EP300: variants seen among roughly 807,000 people sequenced by gnomAD.
The protein encoded by EP300 is histone acetyltransferase p300.
A neutral mutation model predicts 264.0 loss-of-function variants in EP300; 31 were observed. The ratio of observed to expected loss-of-function variants is 0.12; its 90% CI spans 0.09 to 0.16. The LOEUF (loss-of-function observed/expected upper bound fraction) is 0.16. Ranked by LOEUF, EP300 falls within the 10% of genes least tolerant of loss-of-function variation. The pLI, the probability that EP300 is intolerant of heterozygous loss-of-function variation, is 1.00. For missense variants in EP300, 2,766 were observed against 3,052.9 expected, an observed-to-expected ratio of 0.91 and a Z score of 2.21; for synonymous variants, 1,340 against 1,045.4, an observed-to-expected ratio of 1.28 and a Z score of -5.44.
At chr22:41,175,595 A>T (rs766269639) in intron 29 of EP300, among the ~76,000 whole-genome samples, 1 of 152,216 alleles carries the variant, frequency 6.6e-6, no homozygotes, top group Non-Finnish European at 1.5e-5. Context: ...TTACACAGGA[A>T]AGTTGCATAG....
intron 2 of EP300, among the ~76,000 whole-genome samples, chr22:41,120,651 C>T (rs1402183190): frequency 1.3e-5 from 2 of 152,090 alleles, no homozygotes; most frequent in Non-Finnish European, 2.9e-5. Flanking sequence ...TAGGAAGAAA[C>T]TTGGATCATA....
At chr22:41,152,645 A>G (rs1225843108) in intron 16 of EP300, among the ~76,000 whole-genome samples, 1 of 152,112 alleles carries the variant, frequency 6.6e-6, no homozygotes. Flanking sequence ...ATGTTTGTAA[A>G]TAGCCTTGAC....
chr22:41,178,804 G>A lies in EP300; in HGVS notation c.7093G>A (p.Ala2365Thr). 1.2e-6 allele frequency: 2 copies of A among 1,614,100 alleles called. No homozygotes were observed. Among genetic ancestry groups the A allele is most frequent in the South Asian group, 1.1e-5 (1 of 91,084 alleles). The change falls in exon 31 of 31, where the codon GCC becomes ACC. Residue 2365 changes from alanine (A) to threonine (T), a missense_variant. By Grantham distance (58) the Ala-to-Thr change is moderately conservative (BLOSUM62 0). Transcript: ENST00000263253. The stretch of plus-strand genomic sequence containing the variant: ...CAACCCCATGGAACAAGGGCATTTT[G>A]CCAGCCCGGACCAGAATTCAATGCT... ...QANPMEQGHF[A>T]SPDQNSMLSQ...
rs1429798137 is a variant in EP300 at position 41,179,061 on chromosome 22, T to C, written c.*105T>C. On this transcript the variant is annotated 3_prime_UTR_variant, in exon 31 of 31. Coordinates refer to ENST00000263253, the MANE Select transcript of EP300 (RefSeq NM_001429.4). ...ATCTTTCGTAGCCTAAAAGACAATT[T>C]TCCTTGGAACACATAAGAACTGTGC... 4 of 1,403,892 alleles carry C rather than the reference T, an allele frequency of 2.8e-6. No homozygotes were observed. In the Admixed American group the frequency reaches 5.7e-5, roughly 20 times the overall value. The allele number at this position is 1,403,892 out of a possible 1,614,324, so 87.0% of individuals were successfully genotyped here.
At chr22:41,173,863 G>A in intron 29 of EP300, 79 bp downstream of exon 29, 1 of 1,578,352 alleles carries the variant, frequency 6.3e-7, no homozygotes, top group South Asian at 1.1e-5. Context: ...TGTAATCCCA[G>A]CACTTTGGGA....
intron 9 of EP300, 23 bp from the exon 10 acceptor site, chr22:41,141,025 A>T (rs781049397): frequency 6.2e-6 from 10 of 1,611,408 alleles, no homozygotes. Flanking sequence ...CATCTCCCTT[A>T]TTTTACTTCA....
chr22:41,135,792 T>G, intron 6 of EP300, 21 bp from the exon 7 acceptor site: 1 of 1,541,776 alleles, frequency 6.5e-7, no homozygotes, highest in Non-Finnish European at 9.0e-7. Flanking sequence ...TTCTGTCTCC[T>G]GTTATTTCAT....
chr22:41,107,617 A>G (rs1219888534), intron 1 of EP300, among the ~76,000 whole-genome samples: 1 of 152,228 alleles, frequency 6.6e-6, no homozygotes, highest in Non-Finnish European at 1.5e-5. Context: ...CTTCATTTAT[A>G]TATAATACTT....
At position 41,149,068 on chromosome 22, in the gene EP300, C is replaced by A. The variant is rs749043606; in HGVS notation, c.2272C>A (p.Pro758Thr). 2 of 1,613,380 alleles carry A rather than the reference C, an allele frequency of 1.2e-6. No individual in the cohort carries two copies. Among genetic ancestry groups the A allele is most frequent in the Admixed American group, 3.3e-5 (2 of 59,942 alleles). ...PMGYGPRMQQPSNQGQFLPQT... is the reference protein window; with the variant it reads ...PMGYGPRMQQTSNQGQFLPQT... ...GGGCTATGGGCCTCGTATGCAACAGCCTTCCAACCAGGGCCAGTTCCTTCC... is the reference window on the plus strand; with the variant it reads ...GGGCTATGGGCCTCGTATGCAACAGACTTCCAACCAGGGCCAGTTCCTTCC... Residue 758 changes from proline (P) to threonine (T), a missense_variant, in exon 13 of 31, where the codon CCT (proline) becomes ACT (threonine). Physicochemically the swap from Pro to Thr is conservative, Grantham distance 38. Transcript: ENST00000263253.
At chr22:41,133,279 T>A (rs1302364976) in intron 6 of EP300, among the ~76,000 whole-genome samples, 2 of 150,878 alleles carry the variant, frequency 1.3e-5, no homozygotes, top group Non-Finnish European at 2.9e-5. Context: ...TGCCTCAGCC[T>A]CCCAAATAGC....
intron 12 of EP300, 47 bp from the exon 13 acceptor site, chr22:41,148,991 A>G: frequency 1.2e-6 from 2 of 1,611,146 alleles, no homozygotes; most frequent in Non-Finnish European, 1.7e-6. Context: ...ATAGTAGAAT[A>G]ACTATAATGA....
At chr22:41,141,501 G>A (rs762231798) in intron 10 of EP300, among the ~76,000 whole-genome samples, 6 of 152,166 alleles carry the variant, frequency 3.9e-5, no homozygotes, top group East Asian at 1.9e-4. Context: ...GAAAGCAATA[G>A]CCTACATACA....
intron 23 of EP300, among the ~76,000 whole-genome samples, chr22:41,167,403 T>A (rs892360967): frequency 5.9e-5 from 9 of 151,974 alleles, no homozygotes; most frequent in Admixed American, 5.9e-4. Context: ...TTAACACTAA[T>A]AATCTAAATG....
At chr22:41,157,023 G>A in intron 17 of EP300, 146 bp from the exon 18 acceptor site, 1 of 899,966 alleles carries the variant, frequency 1.1e-6, no homozygotes, top group South Asian at 1.6e-5. Flanking sequence ...TTAAAGAAGT[G>A]ATGGACATCA....
intron 12 of EP300, 83 bp from the exon 13 acceptor site, chr22:41,148,955 G>C: frequency 6.3e-7 from 1 of 1,593,788 alleles, no homozygotes; most frequent in Non-Finnish European, 8.6e-7. Flanking sequence ...TAAGCCTGAC[G>C]TTAGGAGCAT....
chr22:41,101,595 T>G (rs770666574), intron 1 of EP300, among the ~76,000 whole-genome samples: 27 of 151,828 alleles, frequency 1.8e-4, no homozygotes, highest in Non-Finnish European at 3.2e-4. Context: ...GTATTTTTAG[T>G]AGAGATGGGG....
intron 21 of EP300, 127 bp downstream of exon 21, chr22:41,162,906 A>C: frequency 1.3e-6 from 1 of 771,678 alleles, no homozygotes; most frequent in Non-Finnish European, 2.3e-6. Flanking sequence ...ACATACATCT[A>C]ATGGATAGTA....
At position 41,178,518 on chromosome 22, in the gene EP300, G is replaced by A. The variant is rs775080168; in HGVS notation, c.6807G>A (p.Met2269Ile). The change falls in exon 31 of 31, where the codon ATG (methionine) becomes ATA (isoleucine). Residue 2269 changes from methionine to isoleucine, a missense_variant. Transcript: ENST00000263253. The stretch of plus-strand genomic sequence containing the variant: ...AGCAGCGACTCCTTCAGCAACAGAT[G>A]GGGTCCCCTGTTCAGCCCAACCCCA... ...AYQQRLLQQQ[M>I]GSPVQPNPMS... The A allele has an allele frequency of 3.7e-6, 6 of 1,613,894 alleles. No individual in the cohort carries two copies. Among genetic ancestry groups the A allele is most frequent in the South Asian group, 1.1e-5 (1 of 91,072 alleles).
intron 25 of EP300, chr22:41,169,226 A>G: frequency 1.8e-6 from 1 of 552,244 alleles, no homozygotes; most frequent in African/African-American, 1.9e-5. Context: ...AATAGTATAA[A>G]GGCAATAATA....
Sources: allele counts gnomAD v4.1 joint callset (sites outside exome capture counted in the v4.1 genomes callset), GRCh38; gene constraint gnomAD v4.1.1; transcripts MANE v1.5; gene names NCBI Gene and HGNC (gene_info 2026-07-23, HGNC 2026-07-21).